Variants in ATF6 observed in about 807,000 individuals in gnomAD.
The protein encoded by ATF6 is cyclic AMP-dependent transcription factor ATF-6 alpha.
A neutral mutation model predicts 83.6 loss-of-function variants in ATF6; 53 were observed. The ratio of observed to expected loss-of-function variants is 0.63; its 90% confidence interval spans 0.51 to 0.80. The LOEUF (loss-of-function observed/expected upper bound fraction) is 0.80, where lower values mean the gene tolerates loss of function less well. Ranked by LOEUF, ATF6 falls within the 30% of genes least tolerant of loss-of-function variation. ATF6 has a pLI of 0.00. For missense variants in ATF6, 744 were observed against 797.9 expected, an observed-to-expected ratio of 0.93 and a Z score of 0.81; for synonymous variants, 288 against 285.8, an observed-to-expected ratio of 1.01 and a Z score of -0.08.
At chr1:161,924,586 G>A (rs929283991) in intron 15 of ATF6, among the ~76,000 whole-genome samples, 19 of 152,136 alleles carry the variant, frequency 1.2e-4, no homozygotes, top group African/African-American at 4.6e-4. Flanking sequence ...TAATTTTACA[G>A]AAACAAATGC....
At chr1:161,867,205 G>T (rs1039429193) in intron 14 of ATF6, among the ~76,000 whole-genome samples, 1 of 152,116 alleles carries the variant, frequency 6.6e-6, no homozygotes, top group Non-Finnish European at 1.5e-5. Flanking sequence ...TGAGGCGGGA[G>T]AATGGCGTGA....
At chr1:161,859,849 C>T in intron 12 of ATF6, among the ~76,000 whole-genome samples, 1 of 152,080 alleles carries the variant, frequency 6.6e-6, no homozygotes, top group East Asian at 1.9e-4. Flanking sequence ...TTTCATACTT[C>T]TTAGGAACTT....
chr1:161,815,366 A>G lies in ATF6; in HGVS notation c.910-4267A>G, dbSNP rs561989664. ...ACCACGATGCCCAGCTAATTTTTTAATTTTAGCAGAGACGAGGTCTTCCTA... is the reference window on the plus strand; with the variant it reads ...ACCACGATGCCCAGCTAATTTTTTAGTTTTAGCAGAGACGAGGTCTTCCTA... On this transcript the variant is annotated intron_variant, in intron 7 of 15. Transcript: ENST00000367942. Among the ~76,000 whole-genome samples, 68 of 151,192 alleles carry G rather than the reference A, an allele frequency of 4.5e-4. 1 individual carries two copies. Among genetic ancestry groups the G allele is most frequent in the South Asian group, 2.9e-3 (14 of 4,772 alleles).
chr1:161,775,471 T>C (rs1353623161), intron 1 of ATF6, among the ~76,000 whole-genome samples: 1 of 152,132 alleles, frequency 6.6e-6, no homozygotes, highest in Non-Finnish European at 1.5e-5. Flanking sequence ...TGATTGACAT[T>C]GCACTATAAG....
At chr1:161,903,129 A>G (rs1687821392) in intron 14 of ATF6, among the ~76,000 whole-genome samples, 1 of 152,156 alleles carries the variant, frequency 6.6e-6, no homozygotes, top group African/African-American at 2.4e-5. Context: ...TGCCCCTAGC[A>G]CACACACAAT....
chr1:161,923,994 C>A (rs1367235249), intron 15 of ATF6, among the ~76,000 whole-genome samples: 2 of 152,146 alleles, frequency 1.3e-5, no homozygotes, highest in African/African-American at 2.4e-5. Context: ...TCTCCAAAGT[C>A]TGTTATTTTT....
At chr1:161,809,087 C>G (rs917176668) in intron 7 of ATF6, among the ~76,000 whole-genome samples, 5 of 152,070 alleles carry the variant, frequency 3.3e-5, no homozygotes, top group Non-Finnish European at 7.4e-5. Context: ...GGTACATGTG[C>G]ACAACGTGCA....
At chr1:161,781,218 A>T (rs1369246162) in intron 2 of ATF6, among the ~76,000 whole-genome samples, 2 of 152,212 alleles carry the variant, frequency 1.3e-5, no homozygotes, top group Admixed American at 1.3e-4. Context: ...TTGGTTAGAA[A>T]AACCACCTAA....
intron 12 of ATF6, among the ~76,000 whole-genome samples, chr1:161,858,335 G>T (rs1484365815): frequency 6.6e-6 from 1 of 151,958 alleles, no homozygotes; most frequent in African/African-American, 2.4e-5. Flanking sequence ...TTTCAAACTA[G>T]ATTTTTTTAA....
chr1:161,871,923 A>T (rs1302322534), intron 14 of ATF6, among the ~76,000 whole-genome samples: 1 of 151,584 alleles, frequency 6.6e-6, no homozygotes, highest in Non-Finnish European at 1.5e-5. Flanking sequence ...TAAGTGATTC[A>T]ATCTAGTGGA....
At chr1:161,798,867 T>G (rs1349740727) in intron 6 of ATF6, among the ~76,000 whole-genome samples, 1 of 152,110 alleles carries the variant, frequency 6.6e-6, no homozygotes, top group Non-Finnish European at 1.5e-5. Context: ...CACTAATCAT[T>G]AGAGAAATGT....
intron 15 of ATF6, among the ~76,000 whole-genome samples, chr1:161,922,409 T>C (rs967638082): frequency 6.6e-6 from 1 of 152,154 alleles, no homozygotes; most frequent in Non-Finnish European, 1.5e-5. Flanking sequence ...TGCCTAATGC[T>C]GGAGATACCA....
intron 7 of ATF6, among the ~76,000 whole-genome samples, chr1:161,817,048 G>A (rs985711416): frequency 1.3e-5 from 2 of 152,130 alleles, no homozygotes; most frequent in Non-Finnish European, 2.9e-5. Context: ...CTATTATAGT[G>A]TATCTGTTTC....
intron 9 of ATF6, among the ~76,000 whole-genome samples, chr1:161,828,213 C>CAAGA (rs1685954071): frequency 6.6e-6 from 1 of 151,458 alleles, no homozygotes; most frequent in South Asian, 2.1e-4. Flanking sequence ...GGTTAAGGAA[C>CAAGA]CTTAACCTTT....
At chr1:161,910,329 C>G (rs548266860) in intron 14 of ATF6, among the ~76,000 whole-genome samples, 2 of 152,260 alleles carry the variant, frequency 1.3e-5, no homozygotes, top group East Asian at 3.9e-4. Context: ...AACTGTTACC[C>G]CAGTTTGCAA....
intron 15 of ATF6, among the ~76,000 whole-genome samples, chr1:161,918,187 A>G (rs951281446): frequency 5.9e-5 from 9 of 152,104 alleles, no homozygotes; most frequent in African/African-American, 1.9e-4. Flanking sequence ...TGTTGAATAA[A>G]AGAATAAGTA....
At chr1:161,815,141 T>C (rs1430539749) in intron 7 of ATF6, among the ~76,000 whole-genome samples, 1 of 151,776 alleles carries the variant, frequency 6.6e-6, no homozygotes, top group Non-Finnish European at 1.5e-5. Flanking sequence ...TGAGTTTACA[T>C]GAGATATTCG....
intron 7 of ATF6, among the ~76,000 whole-genome samples, chr1:161,811,354 A>G (rs1470561301): frequency 6.6e-6 from 1 of 152,172 alleles, no homozygotes; most frequent in Non-Finnish European, 1.5e-5. Context: ...GATATTCAAG[A>G]ATTTAAAGTG....
intron 2 of ATF6, among the ~76,000 whole-genome samples, chr1:161,780,824 C>T (rs760167106): frequency 3.9e-5 from 6 of 152,130 alleles, no homozygotes; most frequent in Non-Finnish European, 7.3e-5. Context: ...ATCTTCCCAC[C>T]CCAGCCTCCA....
Sources: allele counts gnomAD v4.1 joint callset (sites outside exome capture counted in the v4.1 genomes callset), GRCh38; gene constraint gnomAD v4.1.1; transcripts MANE v1.5; gene names NCBI Gene and HGNC (gene_info 2026-07-23, HGNC 2026-07-21).